GALNTL6: variants seen among roughly 807,000 people sequenced by gnomAD.
GALNTL6 encodes polypeptide N-acetylgalactosaminyltransferase-like 6.
A neutral mutation model predicts 73.7 loss-of-function variants in GALNTL6; 46 were observed. The ratio of observed to expected loss-of-function variants is 0.62; its 90% CI spans 0.49 to 0.80. The LOEUF (loss-of-function observed/expected upper bound fraction) is 0.80. GALNTL6 is among the 30% of genes least tolerant of loss of function. The pLI is 0.00. For missense variants in GALNTL6, 604 were observed against 755.0 expected, an observed-to-expected ratio of 0.80 and a Z score of 2.34; for synonymous variants, 259 against 263.7, an observed-to-expected ratio of 0.98 and a Z score of 0.17.
chr4:171,937,510 G>A (rs1238505387), intron 2 of GALNTL6, among the ~76,000 whole-genome samples: 2 of 151,980 alleles, frequency 1.3e-5, no homozygotes, highest in African/African-American at 2.4e-5. Flanking sequence ...TGTGATATAC[G>A]TACACAGAAA....
intron 5 of GALNTL6, among the ~76,000 whole-genome samples, chr4:172,662,502 C>T (rs1731428832): frequency 6.6e-6 from 1 of 152,188 alleles, no homozygotes; most frequent in Non-Finnish European, 1.5e-5. Context: ...TAGTTAGTAA[C>T]AGCTCAGTCA....
intron 2 of GALNTL6, among the ~76,000 whole-genome samples, chr4:171,961,371 G>A (rs1252820719): frequency 1.3e-5 from 2 of 152,076 alleles, no homozygotes; most frequent in Non-Finnish European, 2.9e-5. Context: ...GCCTCAAGAG[G>A]AGAAGAATTT....
intron 2 of GALNTL6, among the ~76,000 whole-genome samples, chr4:171,891,600 C>T (rs1234213509): frequency 6.6e-6 from 1 of 152,076 alleles, no homozygotes; most frequent in Non-Finnish European, 1.5e-5. Context: ...GTCTTTCGAC[C>T]ATCAGTTCAA....
chr4:172,800,295 C>T (rs1226293296), intron 5 of GALNTL6, among the ~76,000 whole-genome samples: 1 of 152,068 alleles, frequency 6.6e-6, no homozygotes, highest in Non-Finnish European at 1.5e-5. Context: ...CAAAGAAAAA[C>T]TGAATGGGTG....
chr4:172,661,990 G>T (rs1159696851), intron 5 of GALNTL6, among the ~76,000 whole-genome samples: 1 of 152,154 alleles, frequency 6.6e-6, no homozygotes, highest in Non-Finnish European at 1.5e-5. Flanking sequence ...GAAACCTGTA[G>T]ACAGGCTACA....
In GALNTL6 at chr4:172,121,189, T is replaced by C. The variant is rs561980138; in HGVS notation, c.139-108467T>C. On this transcript the variant is annotated intron_variant, in intron 2 of 12. Transcript: ENST00000506823. ...AGATAATTATACTTGGCGACAAAGA[T>C]TAATAACAAGGGTGGCACAAGTCCA... Among the ~76,000 whole-genome samples, 19 of 151,838 alleles carry C rather than the reference T, an allele frequency of 1.3e-4. No individual in the cohort carries two copies. The South Asian group carries it at 4.0e-3, about 32-fold the overall frequency.
intron 5 of GALNTL6, among the ~76,000 whole-genome samples, chr4:172,661,920 G>T (rs2111181214): frequency 6.6e-6 from 1 of 152,246 alleles, no homozygotes; most frequent in South Asian, 2.1e-4. Flanking sequence ...AGGGAAAAGT[G>T]GATCATGCAA....
intron 5 of GALNTL6, among the ~76,000 whole-genome samples, chr4:172,717,903 G>T (rs1707158180): frequency 6.6e-6 from 1 of 152,164 alleles, no homozygotes; most frequent in African/African-American, 2.4e-5. Context: ...GTTTATGTGT[G>T]TCTATGTATG....
At chr4:172,291,914 T>A (rs1739490519) in intron 3 of GALNTL6, among the ~76,000 whole-genome samples, 1 of 152,136 alleles carries the variant, frequency 6.6e-6, no homozygotes, top group Non-Finnish European at 1.5e-5. Context: ...ATAATTATAT[T>A]AAAAATAACC....
chr4:173,037,172 G>C (rs1753731036), intron 12 of GALNTL6, among the ~76,000 whole-genome samples: 2 of 152,198 alleles, frequency 1.3e-5, no homozygotes, highest in African/African-American at 4.8e-5. Flanking sequence ...GCAGAGCTCT[G>C]TCTCCAACCA....
chr4:172,886,049 T>C lies in GALNTL6; in HGVS notation c.1041+3142T>C, dbSNP rs147188545. ...TCTAGTTTAGCTATCAGGATAATACTGGCATTATAGAATGAGTTTGGAAGA... is the reference window on the plus strand; with the variant it reads ...TCTAGTTTAGCTATCAGGATAATACCGGCATTATAGAATGAGTTTGGAAGA... On this transcript the variant is annotated intron_variant, in intron 8 of 12. Transcript: ENST00000506823. 1.0e-3 allele frequency among the ~76,000 whole-genome samples: 154 copies of C among 152,338 alleles called. 2 individuals carry two copies. The East Asian group carries it at 0.014, about 14-fold the overall frequency.
At chr4:172,176,886 T>A (rs149783221) in intron 2 of GALNTL6, among the ~76,000 whole-genome samples, 54 of 152,314 alleles carry the variant, frequency 3.5e-4, no homozygotes, top group Non-Finnish European at 6.5e-4. Flanking sequence ...TTTAGTAATC[T>A]CTAAACAGCT....
At chr4:172,227,588 C>T (rs527300890) in intron 2 of GALNTL6, among the ~76,000 whole-genome samples, 1 of 152,224 alleles carries the variant, frequency 6.6e-6, no homozygotes, top group African/African-American at 2.4e-5. Context: ...AAAGTGTCCC[C>T]AGTTTTTACA....
At chr4:171,853,551 T>G (rs1245837123) in intron 2 of GALNTL6, among the ~76,000 whole-genome samples, 4 of 150,908 alleles carry the variant, frequency 2.7e-5, no homozygotes, top group Non-Finnish European at 5.9e-5. Flanking sequence ...TTCTCTCCCT[T>G]TATTTTTCCC....
At chr4:172,242,309 A>G (rs143068477) in intron 3 of GALNTL6, among the ~76,000 whole-genome samples, 73 of 151,580 alleles carry the variant, frequency 4.8e-4, no homozygotes, top group African/African-American at 1.6e-3. Context: ...CCATTCAGAG[A>G]TGTGTGTGTG....
At chr4:172,683,520 A>T (rs1401602098) in intron 5 of GALNTL6, among the ~76,000 whole-genome samples, 2 of 152,214 alleles carry the variant, frequency 1.3e-5, no homozygotes, top group African/African-American at 4.8e-5. Context: ...AACCCTTGAA[A>T]AAGGACTTGT....
chr4:173,007,302 G>T (rs946259100), intron 10 of GALNTL6, among the ~76,000 whole-genome samples: 1 of 152,118 alleles, frequency 6.6e-6, no homozygotes, highest in Non-Finnish European at 1.5e-5. Context: ...TAAATCATCA[G>T]TTGGGCCCAT....
At chr4:171,861,387 A>G (rs773985235) in intron 2 of GALNTL6, among the ~76,000 whole-genome samples, 2 of 152,252 alleles carry the variant, frequency 1.3e-5, no homozygotes, top group Non-Finnish European at 2.9e-5. Context: ...TGATAATCAA[A>G]TAAAATAGTT....
At chr4:172,615,254 G>A (rs1325144714) in intron 5 of GALNTL6, among the ~76,000 whole-genome samples, 1 of 150,348 alleles carries the variant, frequency 6.7e-6, no homozygotes, top group Non-Finnish European at 1.5e-5. Flanking sequence ...TGTCATTAGA[G>A]AGGGTGAAAC....
Sources: gnomAD v4.1 joint callset for allele counts (sites outside exome capture counted in the v4.1 genomes callset) on GRCh38, gnomAD v4.1.1 for gene constraint, MANE v1.5 for transcripts, NCBI Gene and HGNC (gene_info 2026-07-23, HGNC 2026-07-21) for gene names.